Variants in CDH13 observed in about 807,000 individuals in gnomAD.
The protein encoded by CDH13 is cadherin-13.
A neutral mutation model predicts 63.8 loss-of-function variants in CDH13; 24 were observed. That is an observed-to-expected ratio of 0.38 (90% CI 0.27 to 0.53). The LOEUF (loss-of-function observed/expected upper bound fraction) is 0.53, where lower values mean the gene tolerates loss of function less well. Ranked by LOEUF, CDH13 falls within the 20% of genes least tolerant of loss-of-function variation. The pLI, the probability that CDH13 is intolerant of heterozygous loss-of-function variation, is 0.85. For missense variants in CDH13, 1,049 were observed against 903.1 expected, an observed-to-expected ratio of 1.16 and a Z score of -2.07; for synonymous variants, 503 against 355.3, an observed-to-expected ratio of 1.42 and a Z score of -4.67.
At chr16:82,988,588 C>T (rs1164408311) in intron 2 of CDH13, among the ~76,000 whole-genome samples, 1 of 151,888 alleles carries the variant, frequency 6.6e-6, no homozygotes, top group African/African-American at 2.4e-5. Flanking sequence ...ATGGTGAAAC[C>T]CCGTCTCTAC....
At chr16:83,520,931 A>G (rs1380927681) in intron 7 of CDH13, among the ~76,000 whole-genome samples, 4 of 152,148 alleles carry the variant, frequency 2.6e-5, no homozygotes, top group Non-Finnish European at 4.4e-5. Flanking sequence ...CCCCACCAAG[A>G]GAAGTGTTCA....
intron 3 of CDH13, among the ~76,000 whole-genome samples, chr16:83,085,841 A>G (rs2033558002): frequency 6.6e-6 from 1 of 152,242 alleles, no homozygotes. Context: ...GATGGGGAAT[A>G]GTCATTATAT....
intron 2 of CDH13, among the ~76,000 whole-genome samples, chr16:82,941,688 G>A (rs577831731): frequency 5.4e-4 from 82 of 152,122 alleles, no homozygotes; most frequent in African/African-American, 1.8e-3. Flanking sequence ...TGCTTGTACC[G>A]AGCTCTCTAT....
chr16:83,310,652 C>T lies in CDH13; in HGVS notation c.637-34210C>T, dbSNP rs142547643. On this transcript the variant is annotated intron_variant, in intron 5 of 13. Coordinates refer to ENST00000567109, the MANE Select transcript of CDH13 (RefSeq NM_001257.5). ...TGGCTTCCTTTTTAGTTATGTCTGC[C>T]TCTACTTCATTCCATCAAAATGAAC... 2.2e-3 allele frequency among the ~76,000 whole-genome samples: 333 copies of T among 152,266 alleles called. 3 individuals are homozygous for T. Among genetic ancestry groups the T allele is most frequent in the South Asian group, 0.017 (80 of 4,818 alleles).
intron 2 of CDH13, among the ~76,000 whole-genome samples, chr16:82,990,626 C>T (rs559346329): frequency 1.1e-4 from 17 of 151,232 alleles, no homozygotes; most frequent in African/African-American, 3.4e-4. Flanking sequence ...GGCTCACTGC[C>T]GCCTTGAACT....
At chr16:83,759,673 TCCCAGCA>T (rs1196065998) in intron 11 of CDH13, among the ~76,000 whole-genome samples, 1 of 152,040 alleles carries the variant, frequency 6.6e-6, no homozygotes, top group Non-Finnish European at 1.5e-5. Flanking sequence ...TGCCCTATAA[TCCCAGCA>T]CCTTGGGAAG....
chr16:83,100,122 C>G (rs761450174), intron 3 of CDH13, among the ~76,000 whole-genome samples: 1 of 152,130 alleles, frequency 6.6e-6, no homozygotes, highest in Non-Finnish European at 1.5e-5. Flanking sequence ...CGTGTGCTGT[C>G]TGAGGACACA....
At chr16:82,704,394 A>G (rs1463829658) in intron 1 of CDH13, among the ~76,000 whole-genome samples, 3 of 152,202 alleles carry the variant, frequency 2.0e-5, no homozygotes, top group Non-Finnish European at 4.4e-5. Flanking sequence ...CATTACTTCA[A>G]CATTTTTGGT....
At chr16:83,477,613 G>T (rs189978119) in intron 6 of CDH13, among the ~76,000 whole-genome samples, 2 of 152,236 alleles carry the variant, frequency 1.3e-5, no homozygotes, top group South Asian at 2.1e-4. Context: ...GAATTTTTCT[G>T]TTCCAAACAG....
chr16:82,824,193 TA>T (rs2038133876), intron 1 of CDH13: 1 of 152,108 alleles, frequency 6.6e-6, no homozygotes, highest in Non-Finnish European at 1.5e-5. Context: ...TCAATGGATT[TA>T]AATACACTAA....
chr16:83,153,062 G>C (rs779552488), intron 4 of CDH13, among the ~76,000 whole-genome samples: 5 of 152,124 alleles, frequency 3.3e-5, no homozygotes, highest in African/African-American at 4.8e-5. Flanking sequence ...CTCAAGACAG[G>C]GGAATTGCAA....
chr16:82,712,276 T>C (rs2032008788), intron 1 of CDH13, among the ~76,000 whole-genome samples: 1 of 152,184 alleles, frequency 6.6e-6, no homozygotes, highest in Admixed American at 6.5e-5. Context: ...TGGTGTAATT[T>C]AGAGAAAGTC....
At chr16:82,724,066 T>G (rs2032945480) in intron 1 of CDH13, among the ~76,000 whole-genome samples, 1 of 152,198 alleles carries the variant, frequency 6.6e-6, no homozygotes. Flanking sequence ...GGAGTGGGGC[T>G]TGTCTGTGGG....
intron 1 of CDH13, among the ~76,000 whole-genome samples, chr16:82,799,501 C>G (rs900847896): frequency 1.3e-5 from 2 of 152,212 alleles, no homozygotes; most frequent in African/African-American, 4.8e-5. Flanking sequence ...GAGATACCAT[C>G]AGGGTAAACA....
At chr16:82,807,753 A>C (rs1439452645) in intron 1 of CDH13, among the ~76,000 whole-genome samples, 1 of 152,190 alleles carries the variant, frequency 6.6e-6, no homozygotes, top group Non-Finnish European at 1.5e-5. Context: ...CAGCCTCCAA[A>C]CACCACAATG....
At chr16:82,653,428 C>T (rs1212791586) in intron 1 of CDH13, among the ~76,000 whole-genome samples, 5 of 152,048 alleles carry the variant, frequency 3.3e-5, no homozygotes. Context: ...AGAGAGGGAC[C>T]CAGGAAGGCC....
chr16:83,404,789 C>T (rs11647148), intron 6 of CDH13, among the ~76,000 whole-genome samples: 13,568 of 152,240 alleles, frequency 0.089, 792 homozygotes, highest in Middle Eastern at 0.14. Context: ...GAAGTGGAAG[C>T]TTTCTGTGCA....
At chr16:82,920,186 T>C (rs1048941175) in intron 2 of CDH13, among the ~76,000 whole-genome samples, 20 of 152,210 alleles carry the variant, frequency 1.3e-4, no homozygotes, top group Non-Finnish European at 2.6e-4. Context: ...CCACCAGGAC[T>C]TCGTCTTCAT....
intron 2 of CDH13, among the ~76,000 whole-genome samples, chr16:82,895,386 A>C (rs548362765): frequency 1.4e-4 from 22 of 152,156 alleles, no homozygotes; most frequent in African/African-American, 5.1e-4. Context: ...CCATCCCCTC[A>C]TCATCTGGTC....
Sources: gnomAD v4.1 joint callset for allele counts (sites outside exome capture counted in the v4.1 genomes callset) on GRCh38, gnomAD v4.1.1 for gene constraint, MANE v1.5 for transcripts, NCBI Gene and HGNC (gene_info 2026-07-23, HGNC 2026-07-21) for gene names.